Variants in RANBP3L observed in about 807,000 individuals in gnomAD.
RANBP3L encodes the protein RAN binding protein 3 like.
In RANBP3L, 56 loss-of-function variants were observed where a neutral mutation model predicts 67.2. The ratio of observed to expected loss-of-function variants is 0.83; its 90% confidence interval spans 0.67 to 1.04. The LOEUF is 1.04. Among genes scored for constraint, RANBP3L ranks in the 50% least tolerant of loss-of-function variants. The pLI is 0.00. For missense variants in RANBP3L, 496 were observed against 535.5 expected, an observed-to-expected ratio of 0.93 and a Z score of 0.73; for synonymous variants, 164 against 181.4, an observed-to-expected ratio of 0.90 and a Z score of 0.77.
chr5:36,287,433 A>T (rs1024039670), intron 1 of RANBP3L, among the ~76,000 whole-genome samples: 1 of 152,210 alleles, frequency 6.6e-6, no homozygotes, highest in Non-Finnish European at 1.5e-5. Flanking sequence ...GCCACTAAGT[A>T]TGTGTTAAAT....
At chr5:36,258,018 A>G (rs1749114748) in intron 8 of RANBP3L, among the ~76,000 whole-genome samples, 2 of 152,224 alleles carry the variant, frequency 1.3e-5, no homozygotes, top group African/African-American at 4.8e-5. Flanking sequence ...TAGTAATAGA[A>G]ACATATACCA....
In RANBP3L at chr5:36,249,664, G is replaced by A. The variant is rs781414705; in HGVS notation, c.1388C>T (p.Ala463Val). ...PSSWTHRQSV[A>V]CS ...TATAGTAGGTAGTATTCATGAACAG[G>A]CAACCGACTGTCTGTGAGTCCAACT... is the stretch of plus-strand genomic sequence containing the variant. The change falls in exon 14 of 14, where the codon GCC (alanine) becomes GTC (valine). Residue 463 changes from alanine (A) to valine (V), a missense_variant. By Grantham distance (64) the Ala-to-Val change is moderately conservative. Coordinates refer to ENST00000296604, the MANE Select transcript of RANBP3L (RefSeq NM_145000.5). 2.6e-6 allele frequency: 4 copies of A among 1,557,758 alleles called. No individual in the cohort carries two copies. Among genetic ancestry groups the A allele is most frequent in the African/African-American group, 2.7e-5 (2 of 73,652 alleles).
At chr5:36,255,613 G>A in intron 10 of RANBP3L, 23 bp from the exon 11 acceptor site, 1 of 1,572,586 alleles carries the variant, frequency 6.4e-7, no homozygotes, top group African/African-American at 1.4e-5. Context: ...TTTTTAAAAT[G>A]TCAAATATAT....
intron 1 of RANBP3L, among the ~76,000 whole-genome samples, chr5:36,273,095 G>A (rs11738615): frequency 0.33 from 50,911 of 152,054 alleles, 9,401 homozygotes; most frequent in South Asian, 0.48. Flanking sequence ...CTCCTTTTCC[G>A]GAAATTATGT....
intron 12 of RANBP3L, among the ~76,000 whole-genome samples, chr5:36,252,746 C>T (rs1049278790): frequency 7.2e-5 from 11 of 152,198 alleles, no homozygotes; most frequent in South Asian, 4.1e-4. Flanking sequence ...CTGGCCCAGA[C>T]GACTGGCAAG....
At chr5:36,272,765 C>A (rs573218941) in intron 1 of RANBP3L, among the ~76,000 whole-genome samples, 3 of 152,262 alleles carry the variant, frequency 2.0e-5, no homozygotes, top group South Asian at 4.1e-4. Context: ...CTGCCTCAGC[C>A]TCCCGAATAG....
chr5:36,261,531 A>G (rs573384246), intron 7 of RANBP3L, among the ~76,000 whole-genome samples: 78 of 152,140 alleles, frequency 5.1e-4, no homozygotes, highest in Non-Finnish European at 1.0e-3. Flanking sequence ...ATACTAATAA[A>G]TATTGCAGAT....
intron 1 of RANBP3L, among the ~76,000 whole-genome samples, chr5:36,281,583 T>C (rs1467097066): frequency 6.6e-6 from 1 of 152,184 alleles, no homozygotes. Context: ...GGCTCTTTCC[T>C]GCCTTTCATG....
At chr5:36,254,517 T>A (rs1188220884) in intron 11 of RANBP3L, among the ~76,000 whole-genome samples, 1 of 152,044 alleles carries the variant, frequency 6.6e-6, no homozygotes, top group Non-Finnish European at 1.5e-5. Context: ...TATTTTTTTT[T>A]CTTTGGCAGG....
At chr5:36,294,078 A>C (rs990953941) in intron 1 of RANBP3L, among the ~76,000 whole-genome samples, 4 of 152,050 alleles carry the variant, frequency 2.6e-5, no homozygotes, top group Non-Finnish European at 5.9e-5. Context: ...ACAATTTCAG[A>C]TCCTGTTATT....
chr5:36,281,142 T>C (rs942395121), intron 1 of RANBP3L, among the ~76,000 whole-genome samples: 2 of 152,186 alleles, frequency 1.3e-5, no homozygotes, highest in Non-Finnish European at 2.9e-5. Context: ...AAATTTTATC[T>C]CCTCAAGTTA....
intron 1 of RANBP3L, among the ~76,000 whole-genome samples, chr5:36,280,698 G>A (rs933492738): frequency 1.3e-5 from 2 of 151,994 alleles, no homozygotes; most frequent in South Asian, 4.2e-4. Context: ...GGGTGATCAG[G>A]GACTAGAATG....
chr5:36,280,114 A>G (rs1474523886), intron 1 of RANBP3L, among the ~76,000 whole-genome samples: 2 of 152,170 alleles, frequency 1.3e-5, no homozygotes, highest in African/African-American at 4.8e-5. Flanking sequence ...TAAGTTCTAA[A>G]GACTCAACTC....
chr5:36,270,205 T>C (rs191401226), intron 2 of RANBP3L, among the ~76,000 whole-genome samples: 21 of 152,294 alleles, frequency 1.4e-4, no homozygotes, highest in African/African-American at 4.8e-4. Flanking sequence ...TTCACCTTCC[T>C]TTGTTCAGCA....
At chr5:36,296,037 A>C (rs961377998) in intron 1 of RANBP3L, among the ~76,000 whole-genome samples, 9 of 152,108 alleles carry the variant, frequency 5.9e-5, no homozygotes, top group African/African-American at 2.2e-4. Context: ...TCCTGATACT[A>C]AGAGGGCGGC....
At chr5:36,288,357 G>A (rs1169491874) in intron 1 of RANBP3L, among the ~76,000 whole-genome samples, 3 of 151,970 alleles carry the variant, frequency 2.0e-5, no homozygotes, top group Non-Finnish European at 2.9e-5. Context: ...TTAATATACC[G>A]CAATTTGCTT....
rs916093482 is a variant in RANBP3L at position 36,247,632 on chromosome 5, C to G, written c.*2022G>C. Among the ~76,000 whole-genome samples the G allele has an allele frequency of 6.6e-6, 1 of 152,150 alleles. No homozygotes were observed. The highest frequency in any genetic ancestry group is 2.4e-5 in the African/African-American group (1 of 41,440). ...GTGTGGTGGCTCACGCCTGTAATCC[C>G]AACACTTTGGGAGGCTGAGGCAAAG... On this transcript the variant is annotated 3_prime_UTR_variant, in exon 14 of 14. Coordinates refer to ENST00000296604, the MANE Select transcript of RANBP3L (RefSeq NM_145000.5).
chr5:36,271,345 A>AGCAACCATTACCAACATATTGTCTTG, intron 1 of RANBP3L, 34 bp from the exon 2 acceptor site: 1 of 1,329,768 alleles, frequency 7.5e-7, no homozygotes, highest in Non-Finnish European at 1.1e-6. Flanking sequence ...AAGAAATCAA[A>AGCAACCATTACCAACATATTGTCTTG]GCATACTCTG....
intron 10 of RANBP3L, among the ~76,000 whole-genome samples, chr5:36,256,414 A>C (rs1748979912): frequency 6.6e-6 from 1 of 152,146 alleles, no homozygotes; most frequent in Non-Finnish European, 1.5e-5. Flanking sequence ...TAGTAATTAC[A>C]TTTCATGTGC....
Sources: allele counts gnomAD v4.1 joint callset (sites outside exome capture counted in the v4.1 genomes callset), GRCh38; gene constraint gnomAD v4.1.1; transcripts MANE v1.5; gene names NCBI Gene and HGNC (gene_info 2026-07-23, HGNC 2026-07-21).